GABRA3: variants seen among roughly 807,000 people sequenced by gnomAD.
The protein encoded by GABRA3 is gamma-aminobutyric acid type A receptor subunit alpha3.
GABRA3 carries 10 observed loss-of-function variants against 30.1 expected under a neutral mutation model. The observed-to-expected ratio is 0.33, with a 90% CI of 0.20 to 0.56. GABRA3 has a LOEUF of 0.56. Ranked by LOEUF, GABRA3 falls within the 20% of genes least tolerant of loss-of-function variation. The probability of loss-of-function intolerance (pLI) is 0.89; values close to 1 mark genes in which losing one functional copy is unlikely to be tolerated. For synonymous variants in GABRA3, 151 were observed against 146.8 expected, an observed-to-expected ratio of 1.03 and a Z score of -0.21; for missense variants, 233 against 392.0, an observed-to-expected ratio of 0.59 and a Z score of 3.42.
intron 3 of GABRA3, among the ~76,000 whole-genome samples, chrX:152,326,912 T>A (rs1048502525): frequency 2.0e-4 from 22 of 110,332 alleles, no homozygotes; most frequent in African/African-American, 6.9e-4. Context: ...GACTGGCAAA[T>A]TGGATAAAGA....
chrX:152,373,726 C>T (rs778378108), intron 1 of GABRA3, among the ~76,000 whole-genome samples: 1 of 110,651 alleles, frequency 9.0e-6, no homozygotes, highest in Non-Finnish European at 1.9e-5. Flanking sequence ...TTGCTGCACC[C>T]GTTAACTCGT....
chrX:152,339,173 T>A (rs1393883892), intron 3 of GABRA3, among the ~76,000 whole-genome samples: 1 of 111,263 alleles, frequency 9.0e-6, no homozygotes, highest in Non-Finnish European at 1.9e-5. Context: ...AGCCAATCAA[T>A]CTTCAACAAA....
chrX:152,209,345 G>A (rs17280085), intron 6 of GABRA3, among the ~76,000 whole-genome samples: 12,478 of 110,638 alleles, frequency 0.11, 803 homozygotes, highest in East Asian at 0.32. Context: ...CCCTGACATG[G>A]TTAACTCTTT....
At chrX:152,238,735 T>G (rs1212079022) in intron 5 of GABRA3, among the ~76,000 whole-genome samples, 2 of 107,753 alleles carry the variant, frequency 1.9e-5, no homozygotes, top group Non-Finnish European at 3.9e-5. Flanking sequence ...AGTGTATGTG[T>G]CGAGGAATTT....
intron 1 of GABRA3, among the ~76,000 whole-genome samples, chrX:152,368,199 C>T (rs1363171635): frequency 9.0e-6 from 1 of 111,649 alleles, no homozygotes; most frequent in Non-Finnish European, 1.9e-5. Context: ...ATATTATTAA[C>T]TCTAGTCACC....
intron 1 of GABRA3, among the ~76,000 whole-genome samples, chrX:152,385,523 T>G (rs1020793843): frequency 1.8e-5 from 2 of 111,892 alleles, no homozygotes; most frequent in African/African-American, 6.5e-5. Flanking sequence ...TTGTGAAAAT[T>G]TTCTCCCATT....
chrX:152,203,972 A>T (rs1326645142), intron 7 of GABRA3, among the ~76,000 whole-genome samples: 5 of 111,932 alleles, frequency 4.5e-5, no homozygotes, highest in Non-Finnish European at 7.5e-5. Flanking sequence ...GCAAGAACTG[A>T]GTGTATATTT....
At chrX:152,425,138 C>T (rs1000159049) in intron 1 of GABRA3, among the ~76,000 whole-genome samples, 2 of 105,962 alleles carry the variant, frequency 1.9e-5, no homozygotes, top group Admixed American at 2.1e-4. Flanking sequence ...AATCTTGTTA[C>T]GTTGCCTAGG....
chrX:152,198,686 T>C (rs751174841), intron 7 of GABRA3, among the ~76,000 whole-genome samples: 1 of 112,040 alleles, frequency 8.9e-6, no homozygotes. Flanking sequence ...TCCTTTCCTG[T>C]TCCTTTTAAT....
chrX:152,330,377 C>G (rs1024411469), intron 3 of GABRA3, among the ~76,000 whole-genome samples: 8 of 111,869 alleles, frequency 7.2e-5, no homozygotes, highest in Non-Finnish European at 1.3e-4. Flanking sequence ...ATAAATCATG[C>G]TGCTATAAAG....
At position 152,237,136 on chromosome X, in the gene GABRA3, G is replaced by T. The variant is rs1229183434; in HGVS notation, c.552-12291C>A. ...GGGTTTTTATGGTTTTAGGTCTAAC[G>T]TTTAAATCTCTAATCCATCTTGAAT... On this transcript the variant is annotated intron_variant, in intron 5 of 9. Transcript: ENST00000370314. Among the ~76,000 whole-genome samples the T allele has an allele frequency of 2.7e-5, 3 of 110,980 alleles. No homozygotes were observed. The Admixed American group carries it at 2.9e-4, about 11-fold the overall frequency.
chrX:152,355,860 A>G (rs1334583988), intron 2 of GABRA3, among the ~76,000 whole-genome samples: 1 of 111,818 alleles, frequency 8.9e-6, no homozygotes, highest in Non-Finnish European at 1.9e-5. Context: ...AACCAGGAGT[A>G]TAGGAAATTC....
intron 9 of GABRA3, among the ~76,000 whole-genome samples, chrX:152,182,443 C>CACACTATATATAGTGTATATATGT (rs1231477736): frequency 1.1e-5 from 1 of 87,751 alleles, no homozygotes; most frequent in East Asian, 3.6e-4. Context: ...AGTATGTATA[C>CACACTATATATAGTGTATATATGT]ACACTATATA....
At chrX:152,335,839 C>T (rs1940226506) in intron 3 of GABRA3, among the ~76,000 whole-genome samples, 1 of 110,653 alleles carries the variant, frequency 9.0e-6, no homozygotes, top group Admixed American at 9.6e-5. Flanking sequence ...GCTACCTCAG[C>T]CTCTCGAGGA....
intron 3 of GABRA3, among the ~76,000 whole-genome samples, chrX:152,307,532 T>A (rs753273717): frequency 1.8e-5 from 2 of 111,724 alleles, no homozygotes; most frequent in East Asian, 2.8e-4. Context: ...CCAGCCAATA[T>A]GATGTAGGGA....
chrX:152,427,689 C>G (rs1246037945), intron 1 of GABRA3, among the ~76,000 whole-genome samples: 1 of 112,010 alleles, frequency 8.9e-6, no homozygotes, highest in African/African-American at 3.2e-5. Context: ...ATCTGAGTCA[C>G]CATTATATCC....
At position 152,168,987 on chromosome X, in the gene GABRA3, G is replaced by A. The variant is rs769001656; in HGVS notation, c.1144-424C>T. On this transcript the variant is annotated intron_variant, in intron 9 of 9. Transcript: ENST00000370314. ...CCTCAGAGCAACCCCTATGAGGTAG[G>A]TGGATGAGATTACTCCCATTTGACA... Among the ~76,000 whole-genome samples, 4 of 112,183 alleles carry A rather than the reference G, an allele frequency of 3.6e-5. No homozygotes were observed. In the South Asian group the frequency reaches 1.5e-3, roughly 42 times the overall value.
chrX:152,291,156 G>A (rs756113248), intron 3 of GABRA3, among the ~76,000 whole-genome samples: 47 of 111,798 alleles, frequency 4.2e-4, no homozygotes, highest in African/African-American at 1.4e-3. Context: ...AGGGTAGAAT[G>A]TTCTTCCATT....
At chrX:152,426,476 AAG>A (rs1283763429) in intron 1 of GABRA3, among the ~76,000 whole-genome samples, 1 of 111,862 alleles carries the variant, frequency 8.9e-6, no homozygotes, top group Non-Finnish European at 1.9e-5. Context: ...ATTAACTTGC[AAG>A]AGTTAGTTGC....
Sources: allele counts gnomAD v4.1 joint callset (sites outside exome capture counted in the v4.1 genomes callset), GRCh38; gene constraint gnomAD v4.1.1; transcripts MANE v1.5; gene names NCBI Gene and HGNC (gene_info 2026-07-23, HGNC 2026-07-21).